PCCA: variants seen among roughly 807,000 people sequenced by gnomAD.
PCCA encodes the protein propionyl-CoA carboxylase alpha chain, mitochondrial.
PCCA carries 74 observed loss-of-function variants against 101.3 expected under a neutral mutation model. The observed-to-expected ratio is 0.73, with a 90% confidence interval of 0.61 to 0.89. PCCA has a LOEUF of 0.89. Ranked by LOEUF, PCCA falls within the 40% of genes least tolerant of loss-of-function variation. The pLI is 0.00. For missense variants in PCCA, 891 were observed against 907.0 expected (o/e 0.98, Z 0.23); for synonymous variants, 294 against 313.6 (o/e 0.94, Z 0.66).
chr13:100,290,584 A>G (rs1008444531), intron 12 of PCCA, among the ~76,000 whole-genome samples: 2 of 152,170 alleles, frequency 1.3e-5, no homozygotes, highest in African/African-American at 4.8e-5. Flanking sequence ...TTGTGTTTGT[A>G]TACATTAACC....
At chr13:100,109,027 A>T (rs1393886100) in intron 2 of PCCA, among the ~76,000 whole-genome samples, 1 of 152,178 alleles carries the variant, frequency 6.6e-6, no homozygotes, top group African/African-American at 2.4e-5. Context: ...TGTCAGGTGC[A>T]GGTATTTGTT....
chr13:100,513,271 A>G (rs944623227), intron 21 of PCCA, among the ~76,000 whole-genome samples: 3 of 152,118 alleles, frequency 2.0e-5, no homozygotes, highest in African/African-American at 7.2e-5. Flanking sequence ...TAAACCAACT[A>G]TTTGCACCAA....
chr13:100,308,629 GTTA>G (rs2066657109), intron 15 of PCCA, among the ~76,000 whole-genome samples: 1 of 152,032 alleles, frequency 6.6e-6, no homozygotes, highest in African/African-American at 2.4e-5. Flanking sequence ...GTTGGCCTAA[GTTA>G]TTAGTAGTAT....
chr13:100,393,514 G>A (rs2076909243), intron 19 of PCCA, among the ~76,000 whole-genome samples: 1 of 151,140 alleles, frequency 6.6e-6, no homozygotes, highest in Non-Finnish European at 1.5e-5. Context: ...TGCCTCCCGG[G>A]TTCAAGCGAT....
intron 21 of PCCA, among the ~76,000 whole-genome samples, chr13:100,488,218 C>T (rs947429317): frequency 2.0e-5 from 3 of 152,090 alleles, no homozygotes; most frequent in African/African-American, 2.4e-5. Context: ...CTCAGCCTCC[C>T]GAGTAGCTGG....
chr13:100,361,051 C>G (rs1392789385), intron 18 of PCCA, among the ~76,000 whole-genome samples: 1 of 152,086 alleles, frequency 6.6e-6, no homozygotes, highest in Non-Finnish European at 1.5e-5. Flanking sequence ...GAAAAGGCAG[C>G]ATTCTGTATG....
At chr13:100,483,895 A>G (rs1425298056) in intron 21 of PCCA, among the ~76,000 whole-genome samples, 2 of 152,172 alleles carry the variant, frequency 1.3e-5, no homozygotes, top group East Asian at 3.9e-4. Context: ...TGCTGTTTCC[A>G]TTGATGGGAC....
intron 9 of PCCA, among the ~76,000 whole-genome samples, chr13:100,261,179 C>T (rs2062478525): frequency 6.6e-6 from 1 of 151,868 alleles, no homozygotes; most frequent in Non-Finnish European, 1.5e-5. Context: ...GACCATTTGC[C>T]TCTTAAAGGA....
At chr13:100,089,270 C>A in intron 1 of PCCA, 45 bp downstream of exon 1, 1 of 1,421,810 alleles carries the variant, frequency 7.0e-7, no homozygotes, top group Non-Finnish European at 9.2e-7. Flanking sequence ...CACTGGGCTT[C>A]TAGCCGTGCC....
chr13:100,453,893 C>T (rs1347949382), intron 21 of PCCA, among the ~76,000 whole-genome samples: 1 of 152,180 alleles, frequency 6.6e-6, no homozygotes, highest in Non-Finnish European at 1.5e-5. Flanking sequence ...GAGACAGAGT[C>T]TCACTCAGTT....
intron 5 of PCCA, among the ~76,000 whole-genome samples, chr13:100,155,403 G>A (rs148013140): frequency 2.0e-5 from 3 of 152,272 alleles, no homozygotes; most frequent in Non-Finnish European, 2.9e-5. Flanking sequence ...AACCCTTTCC[G>A]TGTAATAAGA....
chr13:100,460,534 C>T (rs1292502208), intron 21 of PCCA, among the ~76,000 whole-genome samples: 1 of 152,046 alleles, frequency 6.6e-6, no homozygotes, highest in Non-Finnish European at 1.5e-5. Flanking sequence ...TGAAGCTTAG[C>T]CAGAGATCTA....
At chr13:100,284,640 A>G (rs1011398586) in intron 12 of PCCA, among the ~76,000 whole-genome samples, 19 of 152,214 alleles carry the variant, frequency 1.2e-4, no homozygotes, top group Non-Finnish European at 2.2e-4. Context: ...CAGTAATTCC[A>G]CTATATCCAG....
chr13:100,508,032 G>A (rs1012275482), intron 21 of PCCA, among the ~76,000 whole-genome samples: 1 of 152,076 alleles, frequency 6.6e-6, no homozygotes, highest in Non-Finnish European at 1.5e-5. Context: ...TAACTGGAAT[G>A]AGCCTTGTGT....
intron 16 of PCCA, among the ~76,000 whole-genome samples, chr13:100,319,349 A>T (rs1483412382): frequency 6.6e-6 from 1 of 151,766 alleles, no homozygotes. Context: ...ATTAGATCCC[A>T]TTTGTCAATT....
chr13:100,132,033 A>G (rs990420649), intron 4 of PCCA, among the ~76,000 whole-genome samples: 1 of 152,176 alleles, frequency 6.6e-6, no homozygotes, highest in African/African-American at 2.4e-5. Flanking sequence ...GGAGAGGACA[A>G]TACTAGGGCA....
In PCCA at chr13:100,089,093, A is replaced by T. The variant is rs551856213; in HGVS notation, c.-28A>T. The T allele has an allele frequency of 4.8e-6, 7 of 1,445,298 alleles. No homozygotes were observed. The highest frequency in any genetic ancestry group is 2.9e-5 in the East Asian group (1 of 34,858). 89.5% of individuals were successfully genotyped at this position (1,445,298 alleles called of 1,614,324 possible). A position where few individuals can be genotyped will look rare whatever the true frequency, so the allele number is the denominator to read the frequency against. On this transcript the variant is annotated 5_prime_UTR_variant, in exon 1 of 24. Coordinates refer to ENST00000376285, the MANE Select transcript of PCCA (RefSeq NM_000282.4). ...ACCCCCTCCGGCTGTGTGAGAGGTC[A>T]GCAGAGGGGCGGTCTGCGGGGACAA... is the stretch of plus-strand genomic sequence containing the variant.
chr13:100,522,999 T>C (rs927463045), intron 22 of PCCA, among the ~76,000 whole-genome samples: 3 of 152,242 alleles, frequency 2.0e-5, no homozygotes, highest in African/African-American at 4.8e-5. Flanking sequence ...GGGGGCTTCC[T>C]TTTATGTTTG....
rs3034650 is a variant in PCCA, at chr13:100,162,080, ATGTGTG to A, written c.468+4766_468+4771del. The stretch of plus-strand genomic sequence containing the variant: ...TACCTTCTGGAGCATGTGTGTCTGT[ATGTGTG>A]TGTGTGTGTGTGTGTGTGTGTGTGT... On this transcript the variant is annotated intron_variant, in intron 6 of 23. Coordinates refer to ENST00000376285, the MANE Select transcript of PCCA (RefSeq NM_000282.4). 3.0e-3 allele frequency among the ~76,000 whole-genome samples: 442 copies of A among 146,824 alleles called. 6 individuals carry two copies. The East Asian group carries it at 0.06, about 20-fold the overall frequency.
Sources: allele counts gnomAD v4.1 joint callset (sites outside exome capture counted in the v4.1 genomes callset), GRCh38; gene constraint gnomAD v4.1.1; transcripts MANE v1.5; gene names NCBI Gene and HGNC (gene_info 2026-07-23, HGNC 2026-07-21).